MACROD1: variants seen among roughly 807,000 people sequenced by gnomAD.
MACROD1 encodes ADP-ribose glycohydrolase MACROD1.
Under a neutral mutation model 41.4 loss-of-function variants are expected in MACROD1, and 31 were observed. The observed-to-expected ratio is 0.75, with a 90% confidence interval of 0.56 to 1.01. The LOEUF is 1.01. Among genes scored for constraint, MACROD1 ranks in the 50% least tolerant of loss-of-function variants. The pLI, the probability that MACROD1 is intolerant of heterozygous loss-of-function variation, is 0.00. For synonymous variants in MACROD1, 252 were observed against 203.4 expected (o/e 1.24, Z -2.03); for missense variants, 473 against 460.0 (o/e 1.03, Z -0.26).
At chr11:64,012,013 T>A (rs1345327338) in intron 4 of MACROD1, among the ~76,000 whole-genome samples, 1 of 152,100 alleles carries the variant, frequency 6.6e-6, no homozygotes, top group African/African-American at 2.4e-5. Context: ...ACCTCCACTG[T>A]GTTCCAATCA....
At chr11:64,043,167 C>CA (rs140502522) in intron 3 of MACROD1, among the ~76,000 whole-genome samples, 1,534 of 152,322 alleles carry the variant, frequency 0.01, 29 homozygotes, top group African/African-American at 0.035. Flanking sequence ...CCAGGGTTAG[C>CA]ATGAAGACTC....
At chr11:64,027,784 C>T (rs1287245187) in intron 3 of MACROD1, among the ~76,000 whole-genome samples, 1 of 152,182 alleles carries the variant, frequency 6.6e-6, no homozygotes. Context: ...CCTCCCGGGG[C>T]CCCCAGCAAG....
intron 3 of MACROD1, among the ~76,000 whole-genome samples, chr11:64,114,055 C>CATGGATGG (rs61724501): frequency 4.5e-4 from 44 of 98,124 alleles, no homozygotes; most frequent in Non-Finnish European, 7.1e-4. Context: ...TGGGTTGATG[C>CATGGATGG]ATGGATGGAT....
intron 7 of MACROD1, 47 bp from the exon 8 acceptor site, chr11:63,999,451 A>G (rs1446039367): frequency 1.3e-6 from 2 of 1,557,064 alleles, no homozygotes; most frequent in Non-Finnish European, 8.7e-7. Flanking sequence ...GGCCCCGCCC[A>G]CTCCCCTGTC....
rs200501544 is a variant in MACROD1, at chr11:64,146,743, G to GAC, written c.517+4494_517+4495dup. On this transcript the variant is annotated intron_variant, in intron 3 of 10. Coordinates refer to ENST00000255681, the MANE Select transcript of MACROD1 (RefSeq NM_014067.4). The surrounding 1 kb of genome is among the most constrained non-coding windows in gnomAD (Gnocchi z 4.7). ...ACACCCCATGCATCACACAAGCACA[G>GAC]ACACACACACATCACGCACACACAC... Among the ~76,000 whole-genome samples the GAC allele has an allele frequency of 6.6e-6, 1 of 151,308 alleles. No individual in the cohort carries two copies. Among genetic ancestry groups the GAC allele is most frequent in the Non-Finnish European group, 1.5e-5 (1 of 67,798 alleles).
At chr11:64,130,387 A>T (rs1302805443) in intron 3 of MACROD1, among the ~76,000 whole-genome samples, 1 of 152,142 alleles carries the variant, frequency 6.6e-6, no homozygotes, top group Non-Finnish European at 1.5e-5. Context: ...GTACCTGGAA[A>T]CTGCCCTTAC....
intron 3 of MACROD1, chr11:64,138,597 G>C (rs577588434): frequency 1.0e-6 from 1 of 975,522 alleles, no homozygotes; most frequent in East Asian, 1.1e-4. Flanking sequence ...TGCTGGCAGA[G>C]GAATGGCTGA....
intron 3 of MACROD1, among the ~76,000 whole-genome samples, chr11:64,085,675 G>A (rs1388605934): frequency 6.6e-6 from 1 of 152,194 alleles, no homozygotes; most frequent in African/African-American, 2.4e-5. Flanking sequence ...TGGGAAGTGG[G>A]ACGGTCACCC....
At chr11:64,061,771 C>G (rs1056853483) in intron 3 of MACROD1, among the ~76,000 whole-genome samples, 4 of 151,370 alleles carry the variant, frequency 2.6e-5, no homozygotes, top group African/African-American at 9.7e-5. Flanking sequence ...ACGATCACAG[C>G]TCACTGCAGC....
chr11:64,009,089 C>T (rs1416429112), intron 4 of MACROD1: 1 of 152,116 alleles, frequency 6.6e-6, no homozygotes, highest in Admixed American at 6.5e-5. Flanking sequence ...TGAAAAAGAG[C>T]GCACAAATCT....
At chr11:64,079,548 G>A (rs1169803190) in intron 3 of MACROD1, among the ~76,000 whole-genome samples, 1 of 152,136 alleles carries the variant, frequency 6.6e-6, no homozygotes, top group Non-Finnish European at 1.5e-5. Flanking sequence ...AGGTGAGAGA[G>A]ACCGCAGCCG....
At chr11:64,016,847 G>A (rs983142320) in intron 3 of MACROD1, among the ~76,000 whole-genome samples, 16 of 152,266 alleles carry the variant, frequency 1.1e-4, no homozygotes, top group Admixed American at 2.0e-4. Flanking sequence ...GCTGGAGCTG[G>A]AGGGAGAGCA....
At chr11:64,039,724 A>T (rs1943449758) in intron 3 of MACROD1, among the ~76,000 whole-genome samples, 2 of 152,164 alleles carry the variant, frequency 1.3e-5, no homozygotes, top group Non-Finnish European at 2.9e-5. Context: ...CCATCGCTCG[A>T]GGCCCCCAGA....
At chr11:64,004,471 C>G (rs1441263460) in intron 4 of MACROD1, among the ~76,000 whole-genome samples, 1 of 152,156 alleles carries the variant, frequency 6.6e-6, no homozygotes, top group Non-Finnish European at 1.5e-5. Context: ...GCTAAACAAA[C>G]AAGCAGGCAG....
chr11:64,102,143 T>G (rs1944681325), intron 3 of MACROD1, among the ~76,000 whole-genome samples: 2 of 152,226 alleles, frequency 1.3e-5, no homozygotes, highest in South Asian at 4.1e-4. Context: ...TGGATCTGAT[T>G]TCAAACCAGA....
At chr11:64,149,004 GCGGGTAC>G in intron 3 of MACROD1, 4 of 985,404 alleles carry the variant, frequency 4.1e-6, no homozygotes, top group Non-Finnish European at 4.8e-6. Flanking sequence ...GGGATTCCAG[GCGGGTAC>G]CGGGTCCTCC....
At chr11:64,013,864 C>T (rs1462125996) in intron 4 of MACROD1, among the ~76,000 whole-genome samples, 1 of 152,264 alleles carries the variant, frequency 6.6e-6, no homozygotes, top group African/African-American at 2.4e-5. Context: ...CAGCACTCTT[C>T]GCTGGGCTCA....
At chr11:64,095,982 C>CG (rs965327314) in intron 3 of MACROD1, among the ~76,000 whole-genome samples, 6 of 34,356 alleles carry the variant, frequency 1.7e-4, no homozygotes, top group Non-Finnish European at 7.6e-4. Context: ...CCCCCCACCC[C>CG]CCAGGGGCCC....
chr11:64,079,290 C>T (rs761496304), intron 3 of MACROD1, among the ~76,000 whole-genome samples: 1 of 151,832 alleles, frequency 6.6e-6, no homozygotes, highest in Non-Finnish European at 1.5e-5. Flanking sequence ...GTGCAGCTGG[C>T]GCTGCAGATG....
Sources: gnomAD v4.1 joint callset for allele counts (sites outside exome capture counted in the v4.1 genomes callset) on GRCh38, gnomAD v4.1.1 for gene constraint, Gnocchi (gnomAD v3.1) non-coding constraint, MANE v1.5 for transcripts, NCBI Gene and HGNC (gene_info 2026-07-23, HGNC 2026-07-21) for gene names.